The following IRF6 variants were observed in gnomAD, a reference collection of about 807,000 sequenced individuals.
The protein encoded by IRF6 is Van der Woude syndrome.
In IRF6, 6 loss-of-function variants were observed where a neutral mutation model predicts 51.4. That is an observed-to-expected ratio of 0.12 (90% CI 0.06 to 0.23). IRF6 has a LOEUF of 0.23. Among genes scored for constraint, IRF6 ranks in the 10% least tolerant of loss-of-function variants. The pLI is 1.00. For missense variants in IRF6, 348 were observed against 585.2 expected (o/e 0.59, Z 4.18); for synonymous variants, 178 against 215.7 (o/e 0.83, Z 1.53).
intron 1 of IRF6, among the ~76,000 whole-genome samples, chr1:209,803,036 T>C (rs943287130): frequency 6.6e-6 from 1 of 152,112 alleles, no homozygotes; most frequent in African/African-American, 2.4e-5. Context: ...GGGAGCATAG[T>C]GGGTAGGTCA....
intron 2 of IRF6, 131 bp from the exon 3 acceptor site, chr1:209,801,547 G>T: frequency 1.4e-6 from 1 of 730,458 alleles, no homozygotes; most frequent in Non-Finnish European, 2.2e-6. Context: ...CTAAATATGG[G>T]AATAAGCTGT....
At position 209,788,585 on chromosome 1, in the gene IRF6, G is replaced by T. The variant is rs1558038289; in HGVS notation, c.1239C>A (p.Ser413=). The stretch of plus-strand genomic sequence containing the variant: ...GCAGGCGGACACTGCCACTATCAAA[G>T]GATCGTGTGAAATCACCAGAAAACA... ...YEMFSGDFTR[S]FDSGSVRLQI... Residue 413 remains serine (S), a synonymous_variant, in exon 9 of 9, where the codon TCC becomes TCA. Transcript: ENST00000367021. The T allele has an allele frequency of 6.8e-6, 11 of 1,614,168 alleles. No individual in the cohort carries two copies. Among genetic ancestry groups the T allele is most frequent in the Non-Finnish European group, 9.3e-6 (11 of 1,180,042 alleles).
At chr1:209,793,464 G>A (rs962849627) in intron 5 of IRF6, among the ~76,000 whole-genome samples, 4 of 152,190 alleles carry the variant, frequency 2.6e-5, no homozygotes, top group African/African-American at 4.8e-5. Context: ...CTTTTAGGGG[G>A]TGAGAATAAC....
chr1:209,793,854 A>G (rs1319171021), intron 5 of IRF6, among the ~76,000 whole-genome samples: 2 of 152,224 alleles, frequency 1.3e-5, no homozygotes, highest in Non-Finnish European at 2.9e-5. Context: ...TAGTTCACTT[A>G]GGATAATGCC....
At position 209,785,659 on chromosome 1, in the gene IRF6, T is replaced by C. The variant is rs1393765031; in HGVS notation, c.*2761A>G. On this transcript the variant is annotated 3_prime_UTR_variant, in exon 9 of 9. Coordinates refer to ENST00000367021, the MANE Select transcript of IRF6 (RefSeq NM_006147.4). ...TCCCCGCATTTATTTAATTTTCCCA[T>C]GGTGGTTAACAGTAAATCCCTAAAA... 6.6e-6 allele frequency: 1 copy of C among 152,256 alleles called. No individual in the cohort carries two copies. Among genetic ancestry groups the C allele is most frequent in the Non-Finnish European group, 1.5e-5 (1 of 68,056 alleles). The allele number at this position is 152,256 out of a possible 1,614,324, so 9.4% of individuals were successfully genotyped here.
At chr1:209,793,630 A>C (rs1366397095) in intron 5 of IRF6, among the ~76,000 whole-genome samples, 1 of 152,194 alleles carries the variant, frequency 6.6e-6, no homozygotes, top group Non-Finnish European at 1.5e-5. Context: ...GGTGAATTAC[A>C]TGTCCCGGGG....
At position 209,792,312 on chromosome 1, in the gene IRF6, C is replaced by T. The variant is rs564069497; in HGVS notation, c.624G>A (p.Gln208=). The T allele has an allele frequency of 2.2e-5, 36 of 1,614,218 alleles. No homozygotes were observed. Among genetic ancestry groups the T allele is most frequent in the Middle Eastern group, 1.6e-4 (1 of 6,062 alleles). Reference sequence around the variant, plus strand: ...ACAGTTCTGGAGAGCTATAGAAGGGCTGTATAGGTGCCTGGGGTACTTCCA... The same window carrying T: ...ACAGTTCTGGAGAGCTATAGAAGGGTTGTATAGGTGCCTGGGGTACTTCCA... The part of the protein sequence containing the change: ...LEMEVPQAPI[Q]PFYSSPELWI... Residue 208 remains glutamine, a synonymous_variant, in exon 6 of 9, where the codon CAG becomes CAA. Transcript: ENST00000367021.
At chr1:209,789,077 G>A (rs1311761951) in intron 8 of IRF6, among the ~76,000 whole-genome samples, 1 of 152,194 alleles carries the variant, frequency 6.6e-6, no homozygotes, top group East Asian at 1.9e-4. Context: ...CATAATCCCA[G>A]CATTTTGGGA....
intron 5 of IRF6, among the ~76,000 whole-genome samples, chr1:209,793,902 T>A (rs1484186026): frequency 1.3e-5 from 2 of 152,220 alleles, no homozygotes; most frequent in African/African-American, 2.4e-5. Flanking sequence ...AGACATGATC[T>A]TACTCTTTTT....
At chr1:209,797,897 C>T (rs1558041717) in intron 3 of IRF6, among the ~76,000 whole-genome samples, 1 of 152,186 alleles carries the variant, frequency 6.6e-6, no homozygotes, top group Non-Finnish European at 1.5e-5. Flanking sequence ...AGACAGGAAG[C>T]ACACACCAAC....
chr1:209,790,462 T>A lies in IRF6; in HGVS notation c.1060+33A>T, dbSNP rs1464178824. The A allele has an allele frequency of 6.2e-7, 1 of 1,608,040 alleles. No homozygotes were observed. Among genetic ancestry groups the A allele is most frequent in the Non-Finnish European group, 8.5e-7 (1 of 1,175,742 alleles). ...GAAGGAATGTACTTCCAGAGAGTGATTCCCACGATCAACTTTCTGAGAAAT... is the reference window on the plus strand; with the variant it reads ...GAAGGAATGTACTTCCAGAGAGTGAATCCCACGATCAACTTTCTGAGAAAT... On this transcript the variant is annotated intron_variant, in intron 7 of 8. Transcript: ENST00000367021. This position sits in a 1 kb window ranked among gnomAD's most constrained non-coding sequence, Gnocchi z 4.8.
intron 1 of IRF6, among the ~76,000 whole-genome samples, chr1:209,805,479 C>T (rs566009728): frequency 2.0e-4 from 30 of 152,328 alleles, no homozygotes; most frequent in Admixed American, 4.6e-4. Flanking sequence ...CAAACAGACT[C>T]AGGGAGGGAA....
chr1:209,789,128 C>T (rs539453438), intron 8 of IRF6, among the ~76,000 whole-genome samples: 30 of 152,120 alleles, frequency 2.0e-4, no homozygotes, highest in Non-Finnish European at 3.2e-4. Context: ...GAGTTCCAGA[C>T]CAGCATGAGC....
At chr1:209,804,094 G>A (rs1477222650) in intron 1 of IRF6, among the ~76,000 whole-genome samples, 1 of 152,078 alleles carries the variant, frequency 6.6e-6, no homozygotes, top group Non-Finnish European at 1.5e-5. Flanking sequence ...ACAATGATAT[G>A]TTTCAATTTA....
At position 209,790,717 on chromosome 1, in the gene IRF6, C is replaced by T; in HGVS notation, c.838G>A (p.Glu280Lys). 1 of 1,614,214 alleles carries T rather than the reference C, an allele frequency of 6.2e-7. No homozygotes were observed. Among genetic ancestry groups the T allele is most frequent in the Non-Finnish European group, 8.5e-7 (1 of 1,180,042 alleles). Residue 280 changes from glutamate (E) to lysine (K), a missense_variant, in exon 7 of 9, where the codon GAG becomes AAG. Glu to Lys is a moderately conservative substitution (Grantham distance 56, BLOSUM62 1). Coordinates refer to ENST00000367021, the MANE Select transcript of IRF6 (RefSeq NM_006147.4). This position sits in a 1 kb window ranked among gnomAD's most constrained non-coding sequence, Gnocchi z 4.8. ...TTCTGCTTCTCATTGGTAATATGCTCAGGACCTGGGAATTTGACCTGCTCC... is the reference window on the plus strand; with the variant it reads ...TTCTGCTTCTCATTGGTAATATGCTTAGGACCTGGGAATTTGACCTGCTCC... ...SLEQVKFPGPEHITNEKQKLF... is the reference protein window; with the variant it reads ...SLEQVKFPGPKHITNEKQKLF...
At chr1:209,789,897 A>G in intron 7 of IRF6, 112 bp from the exon 8 acceptor site, 2 of 757,740 alleles carry the variant, frequency 2.6e-6, no homozygotes, top group Non-Finnish European at 4.7e-6. Context: ...TGTGCTCACT[A>G]GTTTTAAATT....
intron 6 of IRF6, among the ~76,000 whole-genome samples, chr1:209,791,478 C>T (rs570554086): frequency 1.9e-4 from 29 of 152,350 alleles, no homozygotes; most frequent in Non-Finnish European, 3.1e-4. Flanking sequence ...ATAGCACTCA[C>T]ATGCCTACCA....
intron 3 of IRF6, among the ~76,000 whole-genome samples, chr1:209,797,486 A>C (rs2077910446): frequency 6.6e-6 from 1 of 152,004 alleles, no homozygotes. Context: ...AGTCCTAAAA[A>C]ATCCACACCC....
intron 1 of IRF6, among the ~76,000 whole-genome samples, chr1:209,805,730 A>T (rs1028306655): frequency 1.3e-5 from 2 of 152,152 alleles, no homozygotes; most frequent in Admixed American, 6.5e-5. Context: ...ACACAAGTGT[A>T]GATTCGAGAG....
Sources: gnomAD v4.1 joint callset for allele counts (sites outside exome capture counted in the v4.1 genomes callset) on GRCh38, gnomAD v4.1.1 for gene constraint, Gnocchi (gnomAD v3.1) non-coding constraint, MANE v1.5 for transcripts, NCBI Gene and HGNC (gene_info 2026-07-23, HGNC 2026-07-21) for gene names.